Variants in ZNF143 observed in about 807,000 individuals in gnomAD.
The protein encoded by ZNF143 is zinc finger protein 143.
ZNF143 carries 49 observed loss-of-function variants against 74.1 expected under a neutral mutation model. The ratio of observed to expected loss-of-function variants is 0.66; its 90% CI spans 0.53 to 0.84. The LOEUF (loss-of-function observed/expected upper bound fraction) is 0.84. Among genes scored for constraint, ZNF143 ranks in the 40% least tolerant of loss-of-function variants. ZNF143 has a pLI of 0.00. For missense variants in ZNF143, 637 were observed against 793.4 expected (o/e 0.80, Z 2.37); for synonymous variants, 304 against 282.8 (o/e 1.07, Z -0.75).
chr11:9,464,338 C>T (rs546677619), intron 1 of ZNF143, among the ~76,000 whole-genome samples: 2 of 152,134 alleles, frequency 1.3e-5, no homozygotes, highest in African/African-American at 4.8e-5. Context: ...TGGTGGCTCA[C>T]GCCTATAATC....
intron 14 of ZNF143, among the ~76,000 whole-genome samples, chr11:9,518,886 T>C (rs893517492): frequency 2.6e-5 from 4 of 152,218 alleles, no homozygotes; most frequent in African/African-American, 4.8e-5. Context: ...TACTCTTGCA[T>C]TGAGGATTTT....
intron 7 of ZNF143, among the ~76,000 whole-genome samples, chr11:9,492,309 G>A (rs1847812326): frequency 1.3e-5 from 2 of 151,870 alleles, no homozygotes; most frequent in African/African-American, 4.8e-5. Context: ...ACAGGGTTTC[G>A]CTGTGTTGGC....
At chr11:9,512,128 C>G (rs1375993893) in intron 12 of ZNF143, among the ~76,000 whole-genome samples, 1 of 152,126 alleles carries the variant, frequency 6.6e-6, no homozygotes, top group Non-Finnish European at 1.5e-5. Context: ...TTTTCCTGTA[C>G]AGTTCCTCCC....
intron 14 of ZNF143, among the ~76,000 whole-genome samples, chr11:9,519,554 GTAA>G (rs1848840381): frequency 6.6e-6 from 1 of 152,176 alleles, no homozygotes; most frequent in African/African-American, 2.4e-5. Context: ...TTGTTGGCAT[GTAA>G]TAACAGTTCA....
chr11:9,486,363 T>TATATATAATATATTA (rs1491555379), intron 7 of ZNF143, among the ~76,000 whole-genome samples: 4 of 41,248 alleles, frequency 9.7e-5, no homozygotes, highest in East Asian at 4.3e-4. Context: ...TATATATATA[T>TATATATAATATATTA]TATATATAAT....
chr11:9,489,309 T>C (rs1847679844), intron 7 of ZNF143, among the ~76,000 whole-genome samples: 1 of 152,158 alleles, frequency 6.6e-6, no homozygotes, highest in Non-Finnish European at 1.5e-5. Context: ...GGCTTAGAAA[T>C]AAGAAACCTT....
At chr11:9,499,609 G>A (rs996910000) in intron 10 of ZNF143, among the ~76,000 whole-genome samples, 2 of 152,174 alleles carry the variant, frequency 1.3e-5, no homozygotes, top group African/African-American at 2.4e-5. Context: ...GGAGGCTGAG[G>A]TGTGAGGATT....
intron 7 of ZNF143, among the ~76,000 whole-genome samples, chr11:9,485,789 A>G (rs1847449834): frequency 6.6e-6 from 1 of 151,534 alleles, no homozygotes. Flanking sequence ...ATCCTCCCCC[A>G]AGAATATAGA....
intron 1 of ZNF143, among the ~76,000 whole-genome samples, chr11:9,463,357 AC>A (rs1228720872): frequency 6.6e-6 from 1 of 152,212 alleles, no homozygotes; most frequent in Non-Finnish European, 1.5e-5. Context: ...GTACTCTAAA[AC>A]TTTTTCAGTG....
intron 11 of ZNF143, among the ~76,000 whole-genome samples, chr11:9,501,999 C>T (rs1406209860): frequency 1.6e-5 from 2 of 126,810 alleles, no homozygotes; most frequent in East Asian, 2.3e-4. Context: ...TGCAATGGCG[C>T]GATCTCGGCT....
chr11:9,495,236 G>T (rs986923875), intron 8 of ZNF143, among the ~76,000 whole-genome samples: 3 of 152,140 alleles, frequency 2.0e-5, no homozygotes, highest in Admixed American at 2.0e-4. Flanking sequence ...CTGAGGTCAG[G>T]AGTTCAAGAA....
intron 8 of ZNF143, among the ~76,000 whole-genome samples, chr11:9,495,298 G>A (rs146772262): frequency 3.9e-5 from 6 of 152,216 alleles, no homozygotes; most frequent in East Asian, 1.9e-4. Context: ...AAAATTAGCC[G>A]GGCGCAGTGG....
intron 13 of ZNF143, among the ~76,000 whole-genome samples, chr11:9,514,635 G>T (rs1458821856): frequency 2.0e-5 from 3 of 152,268 alleles, no homozygotes; most frequent in Non-Finnish European, 1.5e-5. Context: ...TGGGTGTTCA[G>T]TTGGGTCTTG....
chr11:9,477,335 A>G (rs1856992894), intron 5 of ZNF143, among the ~76,000 whole-genome samples: 1 of 150,804 alleles, frequency 6.6e-6, no homozygotes. Flanking sequence ...GCTCACTGCA[A>G]CCTCCACATC....
chr11:9,483,008 T>C (rs550202295), intron 7 of ZNF143, among the ~76,000 whole-genome samples: 2 of 151,388 alleles, frequency 1.3e-5, no homozygotes, highest in East Asian at 3.9e-4. Flanking sequence ...TATTTATGTA[T>C]TTTGAGATGG....
intron 4 of ZNF143, among the ~76,000 whole-genome samples, chr11:9,474,262 TTC>T (rs1237079982): frequency 6.6e-6 from 1 of 152,178 alleles, no homozygotes; most frequent in Non-Finnish European, 1.5e-5. Flanking sequence ...GAGTGAATGT[TTC>T]TGTTTTTTGA....
intron 14 of ZNF143, among the ~76,000 whole-genome samples, chr11:9,524,579 T>C (rs753601198): frequency 6.6e-6 from 1 of 152,190 alleles, no homozygotes; most frequent in Non-Finnish European, 1.5e-5. Flanking sequence ...AGTAAAATTT[T>C]AGAATATCAT....
chr11:9,527,639 CAGA>C lies in ZNF143; in HGVS notation c.*29_*31del, dbSNP rs772340494. On this transcript the variant is annotated 3_prime_UTR_variant, in exon 16 of 16. Transcript: ENST00000396602. ...TCCTCAGAACAATGGAGCAATAAAG[CAGA>C]AGGAGTCTTTCATCTTCTGGCAGCA... is the stretch of plus-strand genomic sequence containing the variant. 7 of 1,600,932 alleles carry C rather than the reference CAGA, an allele frequency of 4.4e-6. No individual in the cohort carries two copies. Among genetic ancestry groups the C allele is most frequent in the East Asian group, 2.2e-5 (1 of 44,806 alleles).
intron 8 of ZNF143, among the ~76,000 whole-genome samples, chr11:9,495,227 T>C (rs770283504): frequency 1.3e-5 from 2 of 152,182 alleles, no homozygotes; most frequent in Admixed American, 6.5e-5. Flanking sequence ...GTGGATCACC[T>C]GAGGTCAGGA....
Sources: gnomAD v4.1 joint callset for allele counts (sites outside exome capture counted in the v4.1 genomes callset) on GRCh38, gnomAD v4.1.1 for gene constraint, MANE v1.5 for transcripts, NCBI Gene and HGNC (gene_info 2026-07-23, HGNC 2026-07-21) for gene names.